Variants in RIT2 observed in about 807,000 individuals in gnomAD.
The protein encoded by RIT2 is Ras like without CAAX 2.
In RIT2, 24 loss-of-function variants were observed where a neutral mutation model predicts 23.7. The ratio of observed to expected loss-of-function variants is 1.01; its 90% CI spans 0.73 to 1.43. RIT2 has a LOEUF of 1.43. Among genes scored for constraint, RIT2 ranks in the 40% most tolerant of loss-of-function variants. The pLI, the probability that RIT2 is intolerant of heterozygous loss-of-function variation, is 0.00. For synonymous variants in RIT2, 107 were observed against 91.1 expected (o/e 1.17, Z -0.99); for missense variants, 236 against 266.9 (o/e 0.88, Z 0.81).
chr18:43,053,746 C>T (rs983259934), intron 1 of RIT2, among the ~76,000 whole-genome samples: 1 of 152,034 alleles, frequency 6.6e-6, no homozygotes, highest in African/African-American at 2.4e-5. Flanking sequence ...TTGACAGATA[C>T]ATGGATTAGT....
At chr18:43,027,695 C>T (rs547331517) in intron 2 of RIT2, among the ~76,000 whole-genome samples, 4 of 152,052 alleles carry the variant, frequency 2.6e-5, no homozygotes, top group East Asian at 1.9e-4. Flanking sequence ...GAGTAGTCTA[C>T]GACCTGGATG....
rs188911450 is a variant in RIT2, at chr18:42,994,897, T to A, written c.161-20750A>T. On this transcript the variant is annotated intron_variant, in intron 2 of 4. Transcript: ENST00000326695. Reference sequence around the variant, plus strand: ...GGCTCCTTCAGCTACACTCACTCTTTGTTGAGTCTCCCACAATTACCATTG... The same window carrying A: ...GGCTCCTTCAGCTACACTCACTCTTAGTTGAGTCTCCCACAATTACCATTG... Among the ~76,000 whole-genome samples, 616 of 152,272 alleles carry A rather than the reference T, an allele frequency of 4.0e-3. 4 individuals are homozygous for A. Among genetic ancestry groups the A allele is most frequent in the African/African-American group, 0.013 (529 of 41,564 alleles).
chr18:42,885,468 C>T (rs1907997431), intron 4 of RIT2, among the ~76,000 whole-genome samples: 1 of 152,096 alleles, frequency 6.6e-6, no homozygotes. Flanking sequence ...CGCCTGTAGT[C>T]CCAGCTACTT....
intron 1 of RIT2, among the ~76,000 whole-genome samples, chr18:43,036,011 C>T (rs1246715026): frequency 5.3e-5 from 8 of 152,030 alleles, no homozygotes; most frequent in Non-Finnish European, 7.4e-5. Flanking sequence ...TAGCAGTACA[C>T]GATAGTCATG....
intron 2 of RIT2, among the ~76,000 whole-genome samples, chr18:43,004,054 C>T (rs1056103001): frequency 6.6e-6 from 1 of 151,794 alleles, no homozygotes; most frequent in Non-Finnish European, 1.5e-5. Context: ...GTGGCTGTTT[C>T]ACCTGCCGAA....
At chr18:42,977,206 C>A (rs9962509) in intron 2 of RIT2, among the ~76,000 whole-genome samples, 1 of 151,936 alleles carries the variant, frequency 6.6e-6, no homozygotes, top group Non-Finnish European at 1.5e-5. Context: ...CTTATTCATG[C>A]CAATCTTATT....
At chr18:42,900,671 A>C (rs909831012) in intron 4 of RIT2, among the ~76,000 whole-genome samples, 1 of 152,058 alleles carries the variant, frequency 6.6e-6, no homozygotes. Flanking sequence ...CCCTCTTTTC[A>C]TTAATATCAG....
intron 1 of RIT2, among the ~76,000 whole-genome samples, chr18:43,093,873 A>T (rs1244985670): frequency 6.6e-6 from 1 of 152,014 alleles, no homozygotes; most frequent in African/African-American, 2.4e-5. Context: ...TTATATTAAA[A>T]TAGTTTATGC....
chr18:42,809,476 G>A (rs1905777317), intron 4 of RIT2, among the ~76,000 whole-genome samples: 1 of 151,974 alleles, frequency 6.6e-6, no homozygotes, highest in African/African-American at 2.4e-5. Context: ...GTCATGAAAA[G>A]CCAGTTCTAA....
intron 4 of RIT2, among the ~76,000 whole-genome samples, chr18:42,800,542 A>G (rs1260900870): frequency 6.6e-5 from 4 of 60,256 alleles, no homozygotes; most frequent in African/African-American, 1.1e-4. Flanking sequence ...TTTTTCTTTT[A>G]GACGGAGTCT....
chr18:42,958,270 A>G (rs766482099), intron 3 of RIT2, among the ~76,000 whole-genome samples: 4 of 152,290 alleles, frequency 2.6e-5, no homozygotes, highest in Non-Finnish European at 5.9e-5. Flanking sequence ...ACTCTTATCT[A>G]TTGTTCTGTA....
At chr18:42,961,400 C>A (rs1293647262) in intron 3 of RIT2, among the ~76,000 whole-genome samples, 1 of 152,200 alleles carries the variant, frequency 6.6e-6, no homozygotes, top group East Asian at 1.9e-4. Context: ...TCAGGTTTAA[C>A]ACAGGAGTAC....
At chr18:42,982,696 G>A (rs1017760841) in intron 2 of RIT2, among the ~76,000 whole-genome samples, 1 of 152,042 alleles carries the variant, frequency 6.6e-6, no homozygotes, top group Non-Finnish European at 1.5e-5. Flanking sequence ...CAACTTTCAG[G>A]ACTATGGCAT....
At chr18:42,945,373 C>G (rs1255143350) in intron 3 of RIT2, among the ~76,000 whole-genome samples, 1 of 151,232 alleles carries the variant, frequency 6.6e-6, no homozygotes, top group Non-Finnish European at 1.5e-5. Flanking sequence ...TTATTTGTCC[C>G]ATGTGAGTGA....
At chr18:42,753,987 C>A (rs1253404123) in intron 4 of RIT2, among the ~76,000 whole-genome samples, 1 of 152,220 alleles carries the variant, frequency 6.6e-6, no homozygotes, top group Non-Finnish European at 1.5e-5. Flanking sequence ...GCCGCAGTCA[C>A]TGACACATGG....
chr18:42,960,870 C>T (rs1401174181), intron 3 of RIT2, among the ~76,000 whole-genome samples: 1 of 152,142 alleles, frequency 6.6e-6, no homozygotes, highest in East Asian at 1.9e-4. Flanking sequence ...GAAAAATTGT[C>T]TTCTTGTTAC....
intron 2 of RIT2, among the ~76,000 whole-genome samples, chr18:42,981,997 G>T (rs1461179457): frequency 1.3e-5 from 2 of 152,194 alleles, no homozygotes; most frequent in Non-Finnish European, 2.9e-5. Context: ...GTCCTGACTA[G>T]ATTGACTAGA....
intron 2 of RIT2, among the ~76,000 whole-genome samples, chr18:42,991,323 C>CA (rs1171248476): frequency 2.0e-5 from 3 of 152,182 alleles, no homozygotes; most frequent in Admixed American, 1.3e-4. Context: ...AGTAGGCAAA[C>CA]ACACTCCCAT....
At chr18:42,751,673 T>C (rs1055999652) in intron 4 of RIT2, among the ~76,000 whole-genome samples, 1 of 152,032 alleles carries the variant, frequency 6.6e-6, no homozygotes, top group African/African-American at 2.4e-5. Flanking sequence ...ATCGACCATC[T>C]AATTCAAAGC....
Sources: gnomAD v4.1 joint callset for allele counts (sites outside exome capture counted in the v4.1 genomes callset) on GRCh38, gnomAD v4.1.1 for gene constraint, MANE v1.5 for transcripts, NCBI Gene and HGNC (gene_info 2026-07-23, HGNC 2026-07-21) for gene names.